The following PRKN variants were observed in gnomAD, a reference collection of about 807,000 sequenced individuals.
The protein encoded by PRKN is parkin RBR E3 ubiquitin protein ligase.
PRKN carries 56 observed loss-of-function variants against 59.5 expected under a neutral mutation model. That is an observed-to-expected ratio of 0.94 (90% CI 0.76 to 1.18). PRKN has a LOEUF of 1.18. Ranked by LOEUF, PRKN falls within the 50% of genes most tolerant of loss-of-function variation. The probability of loss-of-function intolerance (pLI) is 0.00; values close to 1 mark genes in which losing one functional copy is unlikely to be tolerated. For synonymous variants in PRKN, 250 were observed against 222.1 expected (o/e 1.13, Z -1.12); for missense variants, 657 against 596.4 (o/e 1.10, Z -1.06).
rs557223045 is a variant in PRKN, at chr6:161,758,145, G to T, written c.871+27627C>A. 2.2e-4 allele frequency among the ~76,000 whole-genome samples: 33 copies of T among 151,478 alleles called. No individual in the cohort carries two copies. In the South Asian group the frequency reaches 6.9e-3, roughly 32 times the overall value. On this transcript the variant is annotated intron_variant, in intron 7 of 11. Transcript: ENST00000366898. ...TGGGTGGGCATGTAAAATGGAAATG[G>T]TACAACCACCACGGAAAGTAGTTTG...
intron 7 of PRKN, among the ~76,000 whole-genome samples, chr6:161,685,928 C>A (rs1785534160): frequency 6.6e-6 from 1 of 152,154 alleles, no homozygotes; most frequent in African/African-American, 2.4e-5. Context: ...CACCCCGGTC[C>A]CAGGCCTGTG....
chr6:161,453,203 A>G (rs1045175655), intron 9 of PRKN, among the ~76,000 whole-genome samples: 1 of 152,160 alleles, frequency 6.6e-6, no homozygotes, highest in Non-Finnish European at 1.5e-5. Context: ...AGTGAACAGT[A>G]CTGAGTAGCA....
intron 5 of PRKN, among the ~76,000 whole-genome samples, chr6:162,020,035 A>T (rs998182192): frequency 2.5e-4 from 38 of 152,122 alleles, no homozygotes; most frequent in South Asian, 4.2e-4. Context: ...AAAAAAAAAA[A>T]ATATCACAAA....
intron 4 of PRKN, among the ~76,000 whole-genome samples, chr6:162,182,084 T>C (rs1164987424): frequency 6.6e-6 from 1 of 152,166 alleles, no homozygotes; most frequent in Non-Finnish European, 1.5e-5. Context: ...AGGAACTGCA[T>C]GCAAAGTGTG....
intron 2 of PRKN, among the ~76,000 whole-genome samples, chr6:162,325,747 A>G (rs1783238648): frequency 6.6e-6 from 1 of 152,222 alleles, no homozygotes. Flanking sequence ...CATTATTGCC[A>G]ACTTACAAGT....
intron 7 of PRKN, among the ~76,000 whole-genome samples, chr6:161,609,910 C>T (rs896629102): frequency 2.0e-5 from 3 of 151,968 alleles, no homozygotes; most frequent in Non-Finnish European, 4.4e-5. Context: ...TCAAAGGAGT[C>T]GAATTGTTTT....
chr6:161,810,643 T>C (rs969203498), intron 6 of PRKN, among the ~76,000 whole-genome samples: 4 of 152,236 alleles, frequency 2.6e-5, no homozygotes, highest in African/African-American at 9.6e-5. Flanking sequence ...TGACTACTTA[T>C]GTAACAGTCA....
intron 6 of PRKN, among the ~76,000 whole-genome samples, chr6:161,868,528 C>CTGAGA (rs1289180602): frequency 3.3e-5 from 5 of 152,140 alleles, no homozygotes; most frequent in Non-Finnish European, 7.4e-5. Flanking sequence ...TTGCAGTGAG[C>CTGAGA]TGAGATCACA....
At chr6:162,668,838 C>T (rs2128229806) in intron 1 of PRKN, among the ~76,000 whole-genome samples, 1 of 152,182 alleles carries the variant, frequency 6.6e-6, no homozygotes, top group South Asian at 2.1e-4. Context: ...GTACTTCTTT[C>T]CTATATTTAA....
rs542187321 is a variant in PRKN at position 162,432,824 on chromosome 6, C to A, written c.171+10486G>T. 7.9e-5 allele frequency among the ~76,000 whole-genome samples: 12 copies of A among 152,308 alleles called. No homozygotes were observed. In the South Asian group the frequency reaches 2.3e-3, roughly 29 times the overall value. ...TCTTAGGAGAAATCTGAAATTACTT[C>A]ATGCCCCTTGTTAAACAGATTTTGA... is the stretch of plus-strand genomic sequence containing the variant. On this transcript the variant is annotated intron_variant, in intron 2 of 11. Coordinates refer to ENST00000366898, the MANE Select transcript of PRKN (RefSeq NM_004562.3).
At chr6:161,553,400 A>T (rs2064420) in intron 8 of PRKN, among the ~76,000 whole-genome samples, 71,424 of 148,086 alleles carry the variant, frequency 0.48, 17,128 homozygotes, top group East Asian at 0.68. Context: ...CTTCATTCTC[A>T]TCCCTTCCTC....
In PRKN at chr6:161,549,531, A is replaced by G. The variant is rs1172199691; in HGVS notation, c.934-528T>C. On this transcript the variant is annotated intron_variant, in intron 8 of 11. Transcript: ENST00000366898. The surrounding 1 kb of genome is among the most constrained non-coding windows in gnomAD (Gnocchi z 6.0). ...CACAATATCAATGAGCTAGAAGAAG[A>G]CTAATGTTAAACAATCACATTTTCC... Among the ~76,000 whole-genome samples the G allele has an allele frequency of 6.6e-6, 1 of 152,212 alleles. No homozygotes were observed. The highest frequency in any genetic ancestry group is 6.5e-5 in the Admixed American group (1 of 15,284).
Position 161,545,529 on chromosome 6 carries a change from C to T in PRKN, c.1083+3325G>A. ...CTTCTGAAATGACATAATCTAACCA[C>T]AATTTCTTCCAGACAATGGCTTTCC... On this transcript the variant is annotated intron_variant, in intron 9 of 11. Transcript: ENST00000366898. The surrounding 1 kb of genome is among the most constrained non-coding windows in gnomAD (Gnocchi z 4.1). 2.2e-6 allele frequency: 2 copies of T among 913,760 alleles called. No individual in the cohort carries two copies. The highest frequency in any genetic ancestry group is 3.6e-6 in the Non-Finnish European group (2 of 559,528). The allele number at this position is 913,760 out of a possible 1,614,324, so 56.6% of individuals were successfully genotyped here.
At position 161,941,302 on chromosome 6, in the gene PRKN, C is replaced by T. The variant is rs957514502; in HGVS notation, c.734+32000G>A. On this transcript the variant is annotated intron_variant, in intron 6 of 11. Transcript: ENST00000366898. ...GGAGCACATCAGCAGAGGAACACAC[C>T]GGGGGCTGGATGTCTACAGGAACAC... Among the ~76,000 whole-genome samples the T allele has an allele frequency of 3.3e-5, 5 of 152,082 alleles. No homozygotes were observed. The South Asian group carries it at 6.2e-4, about 19-fold the overall frequency.
At chr6:162,305,872 T>C (rs1434366084) in intron 2 of PRKN, among the ~76,000 whole-genome samples, 3 of 152,122 alleles carry the variant, frequency 2.0e-5, no homozygotes, top group Non-Finnish European at 4.4e-5. Context: ...AGTATCTATA[T>C]CTGTTTTAGA....
chr6:162,474,736 G>A (rs1020060700), intron 1 of PRKN, among the ~76,000 whole-genome samples: 2 of 152,160 alleles, frequency 1.3e-5, no homozygotes, highest in Non-Finnish European at 2.9e-5. Context: ...TGATGATCTT[G>A]TGATCTGTAG....
intron 7 of PRKN, among the ~76,000 whole-genome samples, chr6:161,599,221 C>G (rs1254525169): frequency 3.3e-5 from 5 of 152,148 alleles, no homozygotes; most frequent in African/African-American, 9.7e-5. Context: ...AAGCTTGTGG[C>G]AGATTGTTTT....
rs1208436507 is a variant in PRKN, at chr6:161,820,641, A to C, written c.735-34733T>G. On this transcript the variant is annotated intron_variant, in intron 6 of 11. Transcript: ENST00000366898. ...AGTATACAATATGCAAATATTTATAAAAATATATGAATAAAATTTTTATTT... is the reference window on the plus strand; with the variant it reads ...AGTATACAATATGCAAATATTTATACAAATATATGAATAAAATTTTTATTT... 6.1e-5 allele frequency among the ~76,000 whole-genome samples: 9 copies of C among 148,188 alleles called. No individual in the cohort carries two copies. In the East Asian group the frequency reaches 1.8e-3, roughly 29 times the overall value.
intron 3 of PRKN, among the ~76,000 whole-genome samples, chr6:162,235,975 A>AAGAAAGAAAGAAAGAAAG (rs1778673656): frequency 2.7e-5 from 3 of 110,562 alleles, no homozygotes; most frequent in African/African-American, 1.4e-4. Context: ...GAAAGAAAGA[A>AAGAAAGAAAGAAAGAAAG]AGAAAGAAAG....
Sources: gnomAD v4.1 joint callset for allele counts (sites outside exome capture counted in the v4.1 genomes callset) on GRCh38, gnomAD v4.1.1 for gene constraint, Gnocchi (gnomAD v3.1) non-coding constraint, MANE v1.5 for transcripts, NCBI Gene and HGNC (gene_info 2026-07-23, HGNC 2026-07-21) for gene names.